The following LZTS3 variants were observed in gnomAD, a reference collection of about 807,000 sequenced individuals.
LZTS3 encodes the protein leucine zipper tumor suppressor family member 3.
Under a neutral mutation model 50.9 loss-of-function variants are expected in LZTS3, and 16 were observed. That is an observed-to-expected ratio of 0.31 (90% CI 0.21 to 0.48). LZTS3 has a LOEUF of 0.48. Ranked by LOEUF, LZTS3 falls within the 20% of genes least tolerant of loss-of-function variation. LZTS3 has a pLI of 0.99. For synonymous variants in LZTS3, 408 were observed against 410.6 expected, an observed-to-expected ratio of 0.99 and a Z score of 0.08; for missense variants, 816 against 931.0, an observed-to-expected ratio of 0.88 and a Z score of 1.61.
rs112333966 is a variant in LZTS3 at position 3,167,430 on chromosome 20, T to TGCTCAGCTCAGCTCA, written c.-18-264_-18-250dup. ...GCTCCATGCACATAGCCCCCAGCGT[T>TGCTCAGCTCAGCTCA]GCTCAGCTCAGCTCAGCTCAGCTCA... On this transcript the variant is annotated intron_variant, in intron 2 of 4. Coordinates refer to ENST00000337576, the MANE Select transcript of LZTS3 (RefSeq NM_001365618.1). 8.9e-3 allele frequency: 10,767 copies of TGCTCAGCTCAGCTCA among 1,213,450 alleles called. 115 individuals are homozygous for TGCTCAGCTCAGCTCA. The highest frequency in any genetic ancestry group is 0.048 in the East Asian group (1,150 of 24,066). The allele number at this position is 1,213,450 out of a possible 1,614,324, so 75.2% of individuals were successfully genotyped here.
chr20:3,170,218 G>A (rs1433574230), intron 1 of LZTS3, among the ~76,000 whole-genome samples: 3 of 152,144 alleles, frequency 2.0e-5, no homozygotes, highest in Admixed American at 6.5e-5. Flanking sequence ...TGCCGGATGC[G>A]GTGGCTCACA....
Position 3,164,760 on chromosome 20 carries a change from G to A in LZTS3, c.1716C>T (p.Ala572=). The part of the protein sequence containing the change: ...AEAGGESGTR[A]LRREVGRLQA... ...GCAGCCGCCCCACCTCCCGCCGCAGGGCCCGCGTCCCGCTCTCCCCGCCAG... is the reference window on the plus strand; with the variant it reads ...GCAGCCGCCCCACCTCCCGCCGCAGAGCCCGCGTCCCGCTCTCCCCGCCAG... Residue 572 remains alanine (A), a synonymous_variant, in exon 5 of 5, where the codon GCC becomes GCT. Coordinates refer to ENST00000337576, the MANE Select transcript of LZTS3 (RefSeq NM_001365618.1). 6.6e-7 allele frequency: 1 copy of A among 1,519,396 alleles called. No individual in the cohort carries two copies. 94.1% of individuals were successfully genotyped at this position (1,519,396 alleles called of 1,614,324 possible). A position where few individuals can be genotyped will look rare whatever the true frequency, so the allele number is the denominator to read the frequency against.
chr20:3,164,375 G>A lies in LZTS3; in HGVS notation c.*79C>T. The A allele has an allele frequency of 7.0e-7, 1 of 1,419,926 alleles. No homozygotes were observed. The highest frequency in any genetic ancestry group is 9.4e-7 in the Non-Finnish European group (1 of 1,063,938). The allele number at this position is 1,419,926 out of a possible 1,614,324, so 88.0% of individuals were successfully genotyped here. On this transcript the variant is annotated 3_prime_UTR_variant, in exon 5 of 5. Transcript: ENST00000337576. ...CTGGGGTTATGGGGTCTATGGGGAA[G>A]AGAGATGGAGGGGAGGGGACACTGG...
chr20:3,173,200 C>T (rs1198814406), intron 1 of LZTS3, among the ~76,000 whole-genome samples: 2 of 152,122 alleles, frequency 1.3e-5, no homozygotes, highest in Admixed American at 6.5e-5. Flanking sequence ...ACGCGTGTGG[C>T]CCCGGGGGGC....
At position 3,165,735 on chromosome 20, in the gene LZTS3, C is replaced by A. The variant is rs1403886032; in HGVS notation, c.1085G>T (p.Arg362Leu). 2 of 1,574,738 alleles carry A rather than the reference C, an allele frequency of 1.3e-6. No individual in the cohort carries two copies. The highest frequency in any genetic ancestry group is 1.7e-6 in the Non-Finnish European group (2 of 1,168,190). Reference sequence around the variant, plus strand: ...GCCCTGCCGCAGCTCGGCCAGCTCCCGCTCCCACGCCTTCTGCCGCTCCTC... The same window carrying A: ...GCCCTGCCGCAGCTCGGCCAGCTCCAGCTCCCACGCCTTCTGCCGCTCCTC... ...VLEERQKAWE[R>L]ELAELRQGCS... Residue 362 changes from arginine (R) to leucine (L), a missense_variant, in exon 4 of 5, where the codon CGG becomes CTG. By Grantham distance (102) the Arg-to-Leu change is moderately radical. This residue lies in a region of LZTS3 where 700 missense variants were observed against 769.4 expected (regional missense o/e 0.91). Coordinates refer to ENST00000337576, the MANE Select transcript of LZTS3 (RefSeq NM_001365618.1). This position sits in a 1 kb window ranked among gnomAD's most constrained non-coding sequence, Gnocchi z 5.0.
Position 3,164,805 on chromosome 20 carries a change from G to A in LZTS3, c.1671C>T (p.Ser557=), listed in dbSNP as rs2066783683. 4 of 1,538,734 alleles carry A rather than the reference G, an allele frequency of 2.6e-6. No homozygotes were observed. The highest frequency in any genetic ancestry group is 4.9e-5 in the East Asian group (2 of 40,966). ...AGVAAAASLV[S]VDGEAEAGGE... ...CGCCAGCCTCCGCCTCCCCGTCCAC[G>A]GAAACCAAGGAGGCGGCAGCGGCCA... is the stretch of plus-strand genomic sequence containing the variant. Residue 557 remains serine (S), a synonymous_variant, in exon 5 of 5, where the codon TCC becomes TCT. Coordinates refer to ENST00000337576, the MANE Select transcript of LZTS3 (RefSeq NM_001365618.1).
At chr20:3,167,332 A>G (rs2066844748) in intron 2 of LZTS3, 151 bp from the exon 3 acceptor site, 21 of 1,376,662 alleles carry the variant, frequency 1.5e-5, no homozygotes, top group Non-Finnish European at 2.0e-5. Flanking sequence ...GTGAAGGAAT[A>G]AGGCTGGGAT....
chr20:3,171,953 C>T (rs902224927), intron 1 of LZTS3, among the ~76,000 whole-genome samples: 7 of 152,160 alleles, frequency 4.6e-5, no homozygotes, highest in Non-Finnish European at 1.0e-4. Context: ...GTTACATGTA[C>T]AGGTACCTCC....
At chr20:3,169,841 T>C (rs2066879933) in intron 1 of LZTS3, among the ~76,000 whole-genome samples, 1 of 138,262 alleles carries the variant, frequency 7.2e-6, no homozygotes. Flanking sequence ...ATTGCACCAC[T>C]GCACTCCAGC....
At chr20:3,171,762 CCTGAACTAGTCCAGGTAA>C (rs1366263343) in intron 1 of LZTS3, among the ~76,000 whole-genome samples, 2 of 152,132 alleles carry the variant, frequency 1.3e-5, no homozygotes, top group African/African-American at 4.8e-5. Flanking sequence ...AGGTCACGGT[CCTGAACTAGTCCAGGTAA>C]CTGAGCATGG....
intron 2 of LZTS3, 134 bp downstream of exon 2, chr20:3,167,604 G>T: frequency 5.0e-6 from 5 of 994,012 alleles, no homozygotes; most frequent in Non-Finnish European, 6.0e-6. Flanking sequence ...CAACCTCATG[G>T]GCTGGGGAAA....
intron 1 of LZTS3, among the ~76,000 whole-genome samples, 168 bp downstream of exon 1, chr20:3,173,287 C>T (rs1262491994): frequency 1.3e-5 from 2 of 151,980 alleles, no homozygotes; most frequent in African/African-American, 4.8e-5. Context: ...CCGGGCGAAG[C>T]ATCCATGACA....
chr20:3,164,390 G>A lies in LZTS3; in HGVS notation c.*64C>T. Reference sequence around the variant, plus strand: ...CTATGGGGAAGAGAGATGGAGGGGAGGGGACACTGGGGACTCTGGCCTTTT... The same window carrying A: ...CTATGGGGAAGAGAGATGGAGGGGAAGGGACACTGGGGACTCTGGCCTTTT... On this transcript the variant is annotated 3_prime_UTR_variant, in exon 5 of 5. Transcript: ENST00000337576. 1 of 1,456,618 alleles carries A rather than the reference G, an allele frequency of 6.9e-7. No homozygotes were observed. The highest frequency in any genetic ancestry group is 9.1e-7 in the Non-Finnish European group (1 of 1,093,300). The allele number at this position is 1,456,618 out of a possible 1,614,324, so 90.2% of individuals were successfully genotyped here.
At chr20:3,167,371 C>T (rs1315847621) in intron 2 of LZTS3, 190 bp from the exon 3 acceptor site, 3 of 1,343,692 alleles carry the variant, frequency 2.2e-6, no homozygotes, top group African/African-American at 1.5e-5. Flanking sequence ...ATGGGGGCTG[C>T]CTGTTGCCCA....
At chr20:3,172,846 T>G (rs1050066734) in intron 1 of LZTS3, among the ~76,000 whole-genome samples, 1 of 151,950 alleles carries the variant, frequency 6.6e-6, no homozygotes, top group East Asian at 1.9e-4. Context: ...GCAGGGCTTT[T>G]GGGGTGCAGA....
intron 1 of LZTS3, among the ~76,000 whole-genome samples, chr20:3,169,412 GC>G (rs2066875166): frequency 6.6e-6 from 1 of 152,218 alleles, no homozygotes; most frequent in African/African-American, 2.4e-5. Context: ...GAAGGCCTGG[GC>G]AGGGTTTGGG....
intron 1 of LZTS3, among the ~76,000 whole-genome samples, chr20:3,171,136 C>T (rs1010951155): frequency 2.0e-5 from 3 of 152,226 alleles, no homozygotes; most frequent in South Asian, 2.1e-4. Context: ...GCTTTGTAAA[C>T]TATAAGGGGC....
Position 3,165,932 on chromosome 20 carries a change from G to A in LZTS3, c.888C>T (p.His296=). 6.2e-7 allele frequency: 1 copy of A among 1,611,908 alleles called. No individual in the cohort carries two copies. The highest frequency in any genetic ancestry group is 1.1e-5 in the South Asian group (1 of 91,076). ...CACCTCCGCCCTCCCCAGAGCCCAGGTGGCCTGGCCGCCCCATAGATGACG... is the reference window on the plus strand; with the variant it reads ...CACCTCCGCCCTCCCCAGAGCCCAGATGGCCTGGCCGCCCCATAGATGACG... ...GSSSSMGRPG[H]LGSGEGGGGG... is the part of the protein sequence containing the mutation. The change falls in exon 4 of 5, where the codon CAC becomes CAT. Residue 296 remains histidine, a synonymous_variant. Coordinates refer to ENST00000337576, the MANE Select transcript of LZTS3 (RefSeq NM_001365618.1). This position sits in a 1 kb window ranked among gnomAD's most constrained non-coding sequence, Gnocchi z 5.0.
intron 1 of LZTS3, among the ~76,000 whole-genome samples, chr20:3,169,083 T>C (rs2875839): frequency 2.7e-5 from 2 of 75,002 alleles, no homozygotes; most frequent in African/African-American, 4.7e-5. Context: ...CTTGGACCCG[T>C]CTGTCCCCAT....
Sources: allele counts gnomAD v4.1 joint callset (sites outside exome capture counted in the v4.1 genomes callset), GRCh38; gene constraint gnomAD v4.1.1; regional missense constraint gnomAD v4.1.1; non-coding constraint Gnocchi (gnomAD v3.1); transcripts MANE v1.5; gene names NCBI Gene and HGNC (gene_info 2026-07-23, HGNC 2026-07-21).